ADAM11: variants seen among roughly 807,000 people sequenced by gnomAD.
The protein encoded by ADAM11 is disintegrin and metalloproteinase domain-containing protein 11.
In ADAM11, 49 loss-of-function variants were observed where a neutral mutation model predicts 119.1. That is an observed-to-expected ratio of 0.41 (90% CI 0.33 to 0.52). The LOEUF is 0.52. Among genes scored for constraint, ADAM11 ranks in the 20% least tolerant of loss-of-function variants. ADAM11 has a pLI of 0.20. For missense variants in ADAM11, 777 were observed against 1,047.5 expected, an observed-to-expected ratio of 0.74 and a Z score of 3.56; for synonymous variants, 364 against 408.0, an observed-to-expected ratio of 0.89 and a Z score of 1.30.
chr17:44,767,395 T>A (rs1010336988), intron 2 of ADAM11, among the ~76,000 whole-genome samples: 5 of 150,030 alleles, frequency 3.3e-5, no homozygotes, highest in African/African-American at 1.2e-4. Context: ...GGCCTAATGC[T>A]GGGCGGGCTT....
At position 44,759,721 on chromosome 17, in the gene ADAM11, G is replaced by A. The variant is rs778944749; in HGVS notation, c.62-1G>A. On this transcript the variant is annotated splice_acceptor_variant, in intron 1 of 26. Coordinates refer to ENST00000200557, the MANE Select transcript of ADAM11 (RefSeq NM_002390.6). LOFTEE classifies it high-confidence loss of function. ...CTGCAGCCATGGCCTTGTTTCCCCA[G>A]GTCTTGGGACCCAAGGTCCTGCTGG... 7.6e-7 allele frequency: 1 copy of A among 1,321,334 alleles called. No individual in the cohort carries two copies. Among genetic ancestry groups the A allele is most frequent in the Non-Finnish European group, 9.7e-7 (1 of 1,027,344 alleles). The allele number at this position is 1,321,334 out of a possible 1,614,324, so 81.9% of individuals were successfully genotyped here.
chr17:44,777,428 G>C lies in ADAM11; in HGVS notation c.1782-54G>C. Reference sequence around the variant, plus strand: ...CAGGGTGAGGGCAGATTAGAGTTCAGTAGTTGAGTCTGAGGTCAAACTTGG... The same window carrying C: ...CAGGGTGAGGGCAGATTAGAGTTCACTAGTTGAGTCTGAGGTCAAACTTGG... On this transcript the variant is annotated intron_variant, in intron 21 of 26. Transcript: ENST00000200557. The surrounding 1 kb of genome is among the most constrained non-coding windows in gnomAD (Gnocchi z 5.1). 1.9e-6 allele frequency: 3 copies of C among 1,590,182 alleles called. No individual in the cohort carries two copies. Among genetic ancestry groups the C allele is most frequent in the Non-Finnish European group, 2.6e-6 (3 of 1,159,314 alleles).
In ADAM11 at chr17:44,779,760, A is replaced by G; in HGVS notation, c.*6A>G. ...CCAGGTCCGGAGGGGCCTAAGTGCCACCCTCCTCCCTCCAAGCCTGGCACC... is the reference window on the plus strand; with the variant it reads ...CCAGGTCCGGAGGGGCCTAAGTGCCGCCCTCCTCCCTCCAAGCCTGGCACC... On this transcript the variant is annotated 3_prime_UTR_variant, in exon 27 of 27. Coordinates refer to ENST00000200557, the MANE Select transcript of ADAM11 (RefSeq NM_002390.6). 1 of 1,608,968 alleles carries G rather than the reference A, an allele frequency of 6.2e-7. No individual in the cohort carries two copies. Among genetic ancestry groups the G allele is most frequent in the South Asian group, 1.1e-5 (1 of 90,702 alleles).
rs778029672 is a variant in ADAM11 at position 44,776,991 on chromosome 17, A to C, written c.1681+29A>C. The C allele has an allele frequency of 6.2e-7, 1 of 1,601,020 alleles. No individual in the cohort carries two copies. On this transcript the variant is annotated intron_variant, in intron 20 of 26. Coordinates refer to ENST00000200557, the MANE Select transcript of ADAM11 (RefSeq NM_002390.6). This position sits in a 1 kb window ranked among gnomAD's most constrained non-coding sequence, Gnocchi z 5.2. Reference sequence around the variant, plus strand: ...AGTCTGGCTAGGGCTGGGAGTGGGGACTCCGGAGGACCCAGAGCTGAGAAG... The same window carrying C: ...AGTCTGGCTAGGGCTGGGAGTGGGGCCTCCGGAGGACCCAGAGCTGAGAAG...
rs376634027 is a variant in ADAM11, at chr17:44,772,844, A to G, written c.679-13A>G. On this transcript the variant is annotated splice_polypyrimidine_tract_variant and intron_variant, in intron 8 of 26. Coordinates refer to ENST00000200557, the MANE Select transcript of ADAM11 (RefSeq NM_002390.6). This position sits in a 1 kb window ranked among gnomAD's most constrained non-coding sequence, Gnocchi z 4.5. ...TGGAAGGGACTGATTCCAAGTGCCC[A>G]CCCACCCCCCAGGTCCGCCGGGGCC... 1.2e-5 allele frequency: 19 copies of G among 1,609,150 alleles called. No homozygotes were observed. The African/African-American group carries it at 2.4e-4, about 21-fold the overall frequency.
Position 44,769,328 on chromosome 17 carries a change from C to G in ADAM11, c.238-390C>G, listed in dbSNP as rs927824397. Among the ~76,000 whole-genome samples, 54 of 152,342 alleles carry G rather than the reference C, an allele frequency of 3.5e-4. 1 individual carries two copies. The highest frequency in any genetic ancestry group is 6.8e-3 in the Middle Eastern group (2 of 294). On this transcript the variant is annotated intron_variant, in intron 2 of 26. Coordinates refer to ENST00000200557, the MANE Select transcript of ADAM11 (RefSeq NM_002390.6). The stretch of plus-strand genomic sequence containing the variant: ...TGTTTGTCCCTTTCCCATGATACTC[C>G]TGGGGCCCTCCCGTTACTCTGCCTG...
rs1169618062 is a variant in ADAM11, at chr17:44,776,562, T to G, written c.1567-183T>G. Among the ~76,000 whole-genome samples the G allele has an allele frequency of 6.6e-6, 1 of 152,168 alleles. No homozygotes were observed. Among genetic ancestry groups the G allele is most frequent in the African/African-American group, 2.4e-5 (1 of 41,440 alleles). On this transcript the variant is annotated intron_variant, in intron 18 of 26. Transcript: ENST00000200557. The surrounding 1 kb of genome is among the most constrained non-coding windows in gnomAD (Gnocchi z 5.2). ...CGAGGGAGGGAGGCTGGAGCGGCTCTGGGGCTTGCAAATCCGTGTGGTCTG... is the reference window on the plus strand; with the variant it reads ...CGAGGGAGGGAGGCTGGAGCGGCTCGGGGGCTTGCAAATCCGTGTGGTCTG...
Position 44,777,067 on chromosome 17 carries a change from A to G in ADAM11, c.1682-99A>G. 2 of 1,542,368 alleles carry G rather than the reference A, an allele frequency of 1.3e-6. No homozygotes were observed. The highest frequency in any genetic ancestry group is 8.8e-7 in the Non-Finnish European group (1 of 1,136,482). ...CAGGCCCCCAAGTGTGTAGCTCCCC[A>G]GGATCTCAGGGACCCAGGCAGAGTG... On this transcript the variant is annotated intron_variant, in intron 20 of 26. Coordinates refer to ENST00000200557, the MANE Select transcript of ADAM11 (RefSeq NM_002390.6). The surrounding 1 kb of genome is among the most constrained non-coding windows in gnomAD (Gnocchi z 5.1).
Position 44,772,874 on chromosome 17 carries a change from TACAGTGC to T in ADAM11, c.703_709del (p.His235LysfsTer7). 6.2e-7 allele frequency: 1 copy of T among 1,613,202 alleles called. No homozygotes were observed. Among genetic ancestry groups the T allele is most frequent in the Non-Finnish European group, 8.5e-7 (1 of 1,179,600 alleles). On this transcript the variant is annotated frameshift_variant, in exon 9 of 27. Transcript: ENST00000200557. LOFTEE classifies it high-confidence loss of function. This position sits in a 1 kb window ranked among gnomAD's most constrained non-coding sequence, Gnocchi z 4.5. ...CCCCCCAGGTCCGCCGGGGCCACCCTACAGTGCACAGTGAAACCAAGTATGTGGAGCT... is the reference window on the plus strand; with the variant it reads ...CCCCCCAGGTCCGCCGGGGCCACCCTACAGTGAAACCAAGTATGTGGAGCT...
intron 2 of ADAM11, among the ~76,000 whole-genome samples, chr17:44,760,701 C>T (rs2049379059): frequency 6.6e-6 from 1 of 152,036 alleles, no homozygotes; most frequent in South Asian, 2.1e-4. Context: ...GGGGGAGACC[C>T]AGAAGAGGGG....
At chr17:44,767,118 G>C (rs1207494408) in intron 2 of ADAM11, among the ~76,000 whole-genome samples, 1 of 152,012 alleles carries the variant, frequency 6.6e-6, no homozygotes, top group African/African-American at 2.4e-5. Flanking sequence ...CAGCACTTTG[G>C]GATGCCAAGG....
intron 24 of ADAM11, 37 bp downstream of exon 24, chr17:44,778,103 C>G (rs1317365087): frequency 1.2e-6 from 2 of 1,611,232 alleles, no homozygotes; most frequent in Non-Finnish European, 1.7e-6. Flanking sequence ...TCTGTCTGTC[C>G]TGCTCTCTAT....
At position 44,777,406 on chromosome 17, in the gene ADAM11, G is replaced by A; in HGVS notation, c.1782-76G>A. 6.4e-7 allele frequency: 1 copy of A among 1,559,118 alleles called. No individual in the cohort carries two copies. The highest frequency in any genetic ancestry group is 8.8e-7 in the Non-Finnish European group (1 of 1,133,908). On this transcript the variant is annotated intron_variant, in intron 21 of 26. Transcript: ENST00000200557. The surrounding 1 kb of genome is among the most constrained non-coding windows in gnomAD (Gnocchi z 5.1). ...TGGCAAATGAGGTGGCAGGGTGCAG[G>A]GTGAGGGCAGATTAGAGTTCAGTAG...
In ADAM11 at chr17:44,779,249, G is replaced by A. The variant is rs376951222; in HGVS notation, c.2294+10G>A. On this transcript the variant is annotated intron_variant, in intron 26 of 26. Transcript: ENST00000200557. ...ACATTCGCCGAGGAAGGTACGACCCGACCCAGCAGGGGGCAGTGTGATGCC... is the reference window on the plus strand; with the variant it reads ...ACATTCGCCGAGGAAGGTACGACCCAACCCAGCAGGGGGCAGTGTGATGCC... 3.2e-6 allele frequency: 5 copies of A among 1,577,248 alleles called. No homozygotes were observed. The highest frequency in any genetic ancestry group is 2.3e-5 in the South Asian group (2 of 86,668).
At chr17:44,778,388 A>G in intron 25 of ADAM11, 146 bp downstream of exon 25, 1 of 834,558 alleles carries the variant, frequency 1.2e-6, no homozygotes, top group South Asian at 1.9e-5. Flanking sequence ...AGGGCTTAAC[A>G]TTTAGAAACT....
chr17:44,779,250 A>G lies in ADAM11; in HGVS notation c.2294+11A>G, dbSNP rs776819140. On this transcript the variant is annotated intron_variant, in intron 26 of 26. Transcript: ENST00000200557. Reference sequence around the variant, plus strand: ...CATTCGCCGAGGAAGGTACGACCCGACCCAGCAGGGGGCAGTGTGATGCCG... The same window carrying G: ...CATTCGCCGAGGAAGGTACGACCCGGCCCAGCAGGGGGCAGTGTGATGCCG... 4 of 1,578,782 alleles carry G rather than the reference A, an allele frequency of 2.5e-6. No individual in the cohort carries two copies. Among genetic ancestry groups the G allele is most frequent in the Non-Finnish European group, 8.6e-7 (1 of 1,166,852 alleles).
At position 44,777,136 on chromosome 17, in the gene ADAM11, G is replaced by A. The variant is rs374869762; in HGVS notation, c.1682-30G>A. The A allele has an allele frequency of 9.1e-5, 144 of 1,578,316 alleles. No individual in the cohort carries two copies. Among genetic ancestry groups the A allele is most frequent in the Non-Finnish European group, 1.0e-4 (119 of 1,161,930 alleles). ...GGTCTTGGGGTGGGTCCTGGGGCGC[G>A]TGGGGTCACTTGGCATCCTCTCCCC... On this transcript the variant is annotated intron_variant, in intron 20 of 26. Coordinates refer to ENST00000200557, the MANE Select transcript of ADAM11 (RefSeq NM_002390.6). The surrounding 1 kb of genome is among the most constrained non-coding windows in gnomAD (Gnocchi z 5.1).
rs1483046542 is a variant in ADAM11 at position 44,765,744 on chromosome 17, TCGAGTAA to T, written c.238-3972_238-3966del. On this transcript the variant is annotated intron_variant, in intron 2 of 26. Transcript: ENST00000200557. Reference sequence around the variant, plus strand: ...CAAGCAATTCCCCTGCCTCAGCCTCTCGAGTAACTGGGATTACAGGCACATGCCACCA... The same window carrying T: ...CAAGCAATTCCCCTGCCTCAGCCTCTCTGGGATTACAGGCACATGCCACCA... Among the ~76,000 whole-genome samples the T allele has an allele frequency of 4.0e-5, 6 of 150,164 alleles. No homozygotes were observed. In the East Asian group the frequency reaches 8.1e-4, roughly 20 times the overall value.
rs58869722 is a variant in ADAM11, at chr17:44,770,502, C to T, written c.381+454C>T. On this transcript the variant is annotated intron_variant, in intron 4 of 26. Transcript: ENST00000200557. The stretch of plus-strand genomic sequence containing the variant: ...AATAGCCTGTCTCCCCCCCCCCCGC[C>T]CCCACTGCCTGTTCAGTAACTGGAG... Among the ~76,000 whole-genome samples, 32 of 146,594 alleles carry T rather than the reference C, an allele frequency of 2.2e-4. 1 individual carries two copies. Among genetic ancestry groups the T allele is most frequent in the African/African-American group, 8.2e-4 (30 of 36,722 alleles).
Sources: allele counts gnomAD v4.1 joint callset (sites outside exome capture counted in the v4.1 genomes callset), GRCh38; gene constraint gnomAD v4.1.1; non-coding constraint Gnocchi (gnomAD v3.1); transcripts MANE v1.5; gene names NCBI Gene and HGNC (gene_info 2026-07-23, HGNC 2026-07-21).